Variants in PSIP1 observed in about 807,000 individuals in gnomAD.
PSIP1 encodes PC4 and SRSF1 interacting protein 1.
PSIP1 carries 19 observed loss-of-function variants against 74.7 expected under a neutral mutation model. The observed-to-expected ratio is 0.25, with a 90% CI of 0.18 to 0.37. The LOEUF is 0.37. PSIP1 is among the 10% of genes least tolerant of loss of function. The pLI is 1.00. For synonymous variants in PSIP1, 222 were observed against 195.3 expected (o/e 1.14, Z -1.14); for missense variants, 601 against 614.3 (o/e 0.98, Z 0.23).
intron 2 of PSIP1, among the ~76,000 whole-genome samples, chr9:15,507,049 C>G (rs773744427): frequency 2.2e-4 from 33 of 152,100 alleles, no homozygotes; most frequent in African/African-American, 2.4e-5. Flanking sequence ...TTTGACAACC[C>G]TAAATGTTAG....
chr9:15,468,306 C>A (rs1436041047), intron 14 of PSIP1: 1 of 568,982 alleles, frequency 1.8e-6, no homozygotes, highest in East Asian at 4.5e-5. Flanking sequence ...AAAACAGAAG[C>A]AGCTGAGCAA....
At chr9:15,470,898 T>C (rs530014453) in intron 10 of PSIP1, 6 of 1,113,106 alleles carry the variant, frequency 5.4e-6, no homozygotes, top group African/African-American at 1.7e-5. Flanking sequence ...GAGCTTGTTA[T>C]TACTTTCAAA....
chr9:15,476,467 G>A (rs1001613304), intron 8 of PSIP1, among the ~76,000 whole-genome samples: 1 of 152,216 alleles, frequency 6.6e-6, no homozygotes, highest in African/African-American at 2.4e-5. Context: ...AGGTGAATTT[G>A]ATAGTGTTCA....
rs746877868 is a variant in PSIP1 at position 15,486,079 on chromosome 9, A to G, written c.394-11T>C. ...TGCTTTAGTCACATCCTAAAAAAGA[A>G]AAAAGAAAACTGAATACTGAATAAA... On this transcript the variant is annotated splice_polypyrimidine_tract_variant and intron_variant, in intron 5 of 15. Transcript: ENST00000380733. The G allele has an allele frequency of 1.9e-6, 3 of 1,583,524 alleles. No individual in the cohort carries two copies. The highest frequency in any genetic ancestry group is 2.3e-5 in the South Asian group (2 of 87,108).
intron 15 of PSIP1, 112 bp from the exon 16 acceptor site, chr9:15,465,692 C>CCAAA (rs1242290554): frequency 4.7e-6 from 4 of 843,608 alleles, no homozygotes; most frequent in Non-Finnish European, 7.2e-6. Context: ...CTGAAACCAA[C>CCAAA]CAAACAAAAG....
intron 3 of PSIP1, among the ~76,000 whole-genome samples, chr9:15,495,227 A>T (rs1238608598): frequency 1.3e-5 from 2 of 151,552 alleles, no homozygotes; most frequent in East Asian, 1.9e-4. Context: ...TCAAATATTT[A>T]TTTTTTTTTA....
At chr9:15,508,331 T>G (rs942385206) in intron 2 of PSIP1, among the ~76,000 whole-genome samples, 2 of 152,134 alleles carry the variant, frequency 1.3e-5, no homozygotes, top group African/African-American at 4.8e-5. Flanking sequence ...GGACACAGAA[T>G]ACACCAACAC....
intron 2 of PSIP1, among the ~76,000 whole-genome samples, chr9:15,508,768 G>A (rs1236566187): frequency 6.6e-6 from 1 of 152,148 alleles, no homozygotes; most frequent in African/African-American, 2.4e-5. Flanking sequence ...ACTATGGAGG[G>A]TATAAACAAA....
intron 3 of PSIP1, among the ~76,000 whole-genome samples, chr9:15,502,677 GCTGA>G (rs1392716940): frequency 6.6e-6 from 1 of 152,216 alleles, no homozygotes; most frequent in Admixed American, 6.5e-5. Flanking sequence ...AACAAGATTT[GCTGA>G]CTGACTAGAT....
intron 11 of PSIP1, 67 bp downstream of exon 11, chr9:15,469,871 A>G (rs936076751): frequency 2.2e-6 from 3 of 1,364,712 alleles, no homozygotes; most frequent in Non-Finnish European, 3.1e-6. Flanking sequence ...AATACATGAA[A>G]AGTTATGTCT....
At chr9:15,480,518 G>A (rs2036290858) in intron 6 of PSIP1, among the ~76,000 whole-genome samples, 2 of 152,184 alleles carry the variant, frequency 1.3e-5, no homozygotes, top group South Asian at 4.1e-4. Flanking sequence ...TAAGCATGTG[G>A]AGAATCATTC....
chr9:15,506,716 C>T lies in PSIP1; in HGVS notation c.73-79G>A, dbSNP rs2037606423. 4.7e-6 allele frequency: 5 copies of T among 1,064,978 alleles called. No individual in the cohort carries two copies. The African/African-American group carries it at 6.3e-5, about 13-fold the overall frequency. 66.0% of individuals were successfully genotyped at this position (1,064,978 alleles called of 1,614,324 possible). A position where few individuals can be genotyped will look rare whatever the true frequency, so the allele number is the denominator to read the frequency against. On this transcript the variant is annotated intron_variant, in intron 2 of 15. Coordinates refer to ENST00000380733, the MANE Select transcript of PSIP1 (RefSeq NM_033222.5). ...TTTATCTGAATAAACAAGAGCACAA[C>T]ATCCAAAAGGGTTCTGTTATAAAAT...
chr9:15,471,811 T>A, intron 10 of PSIP1: 6 of 953,766 alleles, frequency 6.3e-6, no homozygotes, highest in Non-Finnish European at 7.5e-6. Context: ...CTGCTCATCA[T>A]TAACTTTGTC....
intron 5 of PSIP1, among the ~76,000 whole-genome samples, 158 bp from the exon 6 acceptor site, chr9:15,486,226 T>C (rs2036552182): frequency 6.6e-6 from 1 of 152,238 alleles, no homozygotes; most frequent in Non-Finnish European, 1.5e-5. Context: ...TGTCTCAACA[T>C]TATAAAGTGA....
At chr9:15,471,481 A>G (rs1027413704) in intron 10 of PSIP1, 3 of 965,358 alleles carry the variant, frequency 3.1e-6, no homozygotes, top group Non-Finnish European at 1.2e-6. Flanking sequence ...CTAATTTTAT[A>G]TCTTAATTTT....
intron 8 of PSIP1, among the ~76,000 whole-genome samples, chr9:15,477,180 G>A (rs2036124524): frequency 6.6e-6 from 1 of 152,088 alleles, no homozygotes; most frequent in African/African-American, 2.4e-5. Flanking sequence ...CACTATAATA[G>A]TTAAAGTATG....
intron 10 of PSIP1, chr9:15,470,992 TAC>T (rs2035803105): frequency 7.3e-7 from 1 of 1,367,338 alleles, no homozygotes; most frequent in South Asian, 1.8e-5. Context: ...ATGTAGTGTG[TAC>T]CTTACAGGAA....
rs1487915999 is a variant in PSIP1 at position 15,510,799 on chromosome 9, TC to T, written c.-142+17del. On this transcript the variant is annotated intron_variant, in intron 1 of 15. Coordinates refer to ENST00000380733, the MANE Select transcript of PSIP1 (RefSeq NM_033222.5). Reference sequence around the variant, plus strand: ...GCCACCGAGGGGGGGGCGGGGCGAGTCCCCGTCGCCCGCTCACCTGCCGGGG... The same window carrying T: ...GCCACCGAGGGGGGGGCGGGGCGAGTCCCGTCGCCCGCTCACCTGCCGGGG... The T allele has an allele frequency of 2.0e-5, 3 of 148,018 alleles. No individual in the cohort carries two copies. The highest frequency in any genetic ancestry group is 7.5e-5 in the African/African-American group (3 of 39,736). The allele number at this position is 148,018 out of a possible 1,614,324, so 9.2% of individuals were successfully genotyped here.
chr9:15,499,740 G>A (rs1469493870), intron 3 of PSIP1, among the ~76,000 whole-genome samples: 2 of 152,038 alleles, frequency 1.3e-5, no homozygotes, highest in African/African-American at 2.4e-5. Flanking sequence ...TGGGCTTGGG[G>A]GCGCGTCCCT....
Sources: gnomAD v4.1 joint callset for allele counts (sites outside exome capture counted in the v4.1 genomes callset) on GRCh38, gnomAD v4.1.1 for gene constraint, MANE v1.5 for transcripts, NCBI Gene and HGNC (gene_info 2026-07-23, HGNC 2026-07-21) for gene names.